Variants in JAM2 observed in about 807,000 individuals in gnomAD.
The protein encoded by JAM2 is junctional adhesion molecule 2, also known as junctional adhesion molecule B.
A neutral mutation model predicts 42.0 loss-of-function variants in JAM2; 17 were observed. The ratio of observed to expected loss-of-function variants is 0.40; its 90% CI spans 0.28 to 0.61. The LOEUF (loss-of-function observed/expected upper bound fraction) is 0.61, where lower values mean the gene tolerates loss of function less well. Among genes scored for constraint, JAM2 ranks in the 20% least tolerant of loss-of-function variants. The pLI is 0.37. For synonymous variants in JAM2, 118 were observed against 128.6 expected, an observed-to-expected ratio of 0.92 and a Z score of 0.56; for missense variants, 319 against 358.3, an observed-to-expected ratio of 0.89 and a Z score of 0.89.
intron 1 of JAM2, among the ~76,000 whole-genome samples, chr21:25,668,592 T>C (rs2033280302): frequency 1.3e-5 from 2 of 152,138 alleles, no homozygotes; most frequent in East Asian, 1.9e-4. Flanking sequence ...TCATCTGAGG[T>C]GGAGAAGGTG....
At chr21:25,689,744 G>A (rs2033834304) in intron 2 of JAM2, 122 bp from the exon 3 acceptor site, 1 of 626,744 alleles carries the variant, frequency 1.6e-6, no homozygotes, top group Admixed American at 2.7e-5. Context: ...ATTTATGAAT[G>A]AATGAATGAA....
At chr21:25,701,500 A>C (rs186275223) in intron 5 of JAM2, among the ~76,000 whole-genome samples, 1 of 151,498 alleles carries the variant, frequency 6.6e-6, no homozygotes. Context: ...TTCCTTCCAA[A>C]TATCCTCCAA....
intron 5 of JAM2, among the ~76,000 whole-genome samples, chr21:25,700,343 A>T (rs2034139908): frequency 6.7e-6 from 1 of 150,338 alleles, no homozygotes; most frequent in Non-Finnish European, 1.5e-5. Context: ...AGGCGTGGTG[A>T]TAATAACAAT....
intron 1 of JAM2, among the ~76,000 whole-genome samples, chr21:25,667,137 T>G (rs2033244009): frequency 6.6e-6 from 1 of 152,222 alleles, no homozygotes; most frequent in Non-Finnish European, 1.5e-5. Flanking sequence ...CGAAAAATAC[T>G]AAATGAAAAG....
intron 4 of JAM2, among the ~76,000 whole-genome samples, chr21:25,695,640 G>C (rs922869295): frequency 6.6e-6 from 1 of 151,018 alleles, no homozygotes; most frequent in East Asian, 2.0e-4. Context: ...GCGGCGGCAG[G>C]GCGGAGATGC....
At chr21:25,696,965 A>G (rs543070648) in intron 4 of JAM2, among the ~76,000 whole-genome samples, 2 of 149,916 alleles carry the variant, frequency 1.3e-5, no homozygotes, top group East Asian at 3.9e-4. Context: ...TGATTCTCCC[A>G]TCTCAGCCTC....
chr21:25,704,240 C>A (rs1244147754), intron 6 of JAM2, among the ~76,000 whole-genome samples: 1 of 151,932 alleles, frequency 6.6e-6, no homozygotes, highest in Non-Finnish European at 1.5e-5. Context: ...TCTTTTTAAT[C>A]CAAGTAAATA....
intron 1 of JAM2, among the ~76,000 whole-genome samples, chr21:25,647,665 A>G (rs1401129398): frequency 1.3e-5 from 2 of 152,242 alleles, no homozygotes; most frequent in East Asian, 3.8e-4. Flanking sequence ...TAAACTTCCA[A>G]ACCAGTAACC....
At chr21:25,704,478 A>G (rs973563732) in intron 6 of JAM2, among the ~76,000 whole-genome samples, 1 of 152,238 alleles carries the variant, frequency 6.6e-6, no homozygotes, top group African/African-American at 2.4e-5. Flanking sequence ...AAGCAGATTC[A>G]CTTAAACAGT....
intron 4 of JAM2, among the ~76,000 whole-genome samples, chr21:25,697,188 G>T (rs1216295253): frequency 6.6e-6 from 1 of 151,926 alleles, no homozygotes; most frequent in African/African-American, 2.4e-5. Flanking sequence ...TCTGTAATCA[G>T]CCAGAGAAAA....
intron 7 of JAM2, among the ~76,000 whole-genome samples, chr21:25,708,193 T>C (rs1730031376): frequency 6.6e-6 from 1 of 152,158 alleles, no homozygotes; most frequent in Non-Finnish European, 1.5e-5. Flanking sequence ...ATATAAAATG[T>C]GTTCCTAATA....
intron 1 of JAM2, among the ~76,000 whole-genome samples, chr21:25,662,172 T>G (rs9808622): frequency 0.41 from 62,808 of 151,910 alleles, 15,471 homozygotes; most frequent in African/African-American, 0.67. Context: ...TTTGAGAAGA[T>G]GTCTCACTCC....
intron 1 of JAM2, among the ~76,000 whole-genome samples, chr21:25,683,464 G>GGTAT (rs1488059736): frequency 2.0e-5 from 3 of 151,844 alleles, no homozygotes; most frequent in African/African-American, 7.3e-5. Flanking sequence ...ATATGACATG[G>GGTAT]GTATTGTCAA....
chr21:25,694,387 A>G (rs1195780213), intron 4 of JAM2, among the ~76,000 whole-genome samples: 2 of 152,204 alleles, frequency 1.3e-5, no homozygotes, highest in Non-Finnish European at 2.9e-5. Context: ...CACATAAGTA[A>G]TTTTACTTCA....
At position 25,705,994 on chromosome 21, in the gene JAM2, G is replaced by A; in HGVS notation, c.713G>A (p.Ser238Asn). Residue 238 changes from serine to asparagine, a missense_variant, in exon 7 of 10, where the codon AGT (serine) becomes AAT (asparagine). By Grantham distance (46) the Ser-to-Asn change is conservative. Coordinates refer to ENST00000480456, the MANE Select transcript of JAM2 (RefSeq NM_021219.4). ...TACATTCCAGATGATCTCAACATAA[G>A]TGGCATCATAGCAGCCGTAGTAGTT... ...KRMQVDDLNI[S>N]GIIAAVVVVA... The A allele has an allele frequency of 6.2e-7, 1 of 1,610,776 alleles. No individual in the cohort carries two copies. The highest frequency in any genetic ancestry group is 1.1e-5 in the South Asian group (1 of 91,038).
chr21:25,696,294 A>AG (rs1384926990), intron 4 of JAM2, among the ~76,000 whole-genome samples: 4 of 152,136 alleles, frequency 2.6e-5, no homozygotes, highest in Non-Finnish European at 5.9e-5. Flanking sequence ...AGGCTGAGGC[A>AG]GGAGAATCAG....
chr21:25,639,577 C>T lies in JAM2; in HGVS notation c.-245C>T. The T allele has an allele frequency of 2.3e-6, 1 of 439,132 alleles. No homozygotes were observed. The highest frequency in any genetic ancestry group is 4.0e-6 in the Non-Finnish European group (1 of 248,024). The allele number at this position is 439,132 out of a possible 1,614,324, so 27.2% of individuals were successfully genotyped here. On this transcript the variant is annotated 5_prime_UTR_variant, in exon 1 of 10. Coordinates refer to ENST00000480456, the MANE Select transcript of JAM2 (RefSeq NM_021219.4). Reference sequence around the variant, plus strand: ...GTTTTCACGCCCTCTAGCCCCTACCCCCACACCCCCAAAACAGAACAGACC... The same window carrying T: ...GTTTTCACGCCCTCTAGCCCCTACCTCCACACCCCCAAAACAGAACAGACC...
chr21:25,705,950 A>C, intron 6 of JAM2, 29 bp from the exon 7 acceptor site: 1 of 1,431,892 alleles, frequency 7.0e-7, no homozygotes, highest in Non-Finnish European at 9.9e-7. Flanking sequence ...ATCCACATAT[A>C]TTTATGCGTA....
intron 1 of JAM2, among the ~76,000 whole-genome samples, chr21:25,657,510 T>C (rs2032971575): frequency 6.6e-6 from 1 of 152,192 alleles, no homozygotes; most frequent in Non-Finnish European, 1.5e-5. Flanking sequence ...CCATGTGAAA[T>C]GTCTCTACTA....
Sources: allele counts gnomAD v4.1 joint callset (sites outside exome capture counted in the v4.1 genomes callset), GRCh38; gene constraint gnomAD v4.1.1; transcripts MANE v1.5; gene names NCBI Gene and HGNC (gene_info 2026-07-23, HGNC 2026-07-21).